The following THADA variants were observed in gnomAD, a reference collection of about 807,000 sequenced individuals.
THADA encodes tRNA (32-2'-O)-methyltransferase regulator THADA.
THADA carries 213 observed loss-of-function variants against 219.8 expected under a neutral mutation model. That is an observed-to-expected ratio of 0.97 (90% CI 0.87 to 1.09). THADA has a LOEUF of 1.09. THADA is among the 50% of genes least tolerant of loss of function. THADA has a pLI of 0.00. For synonymous variants in THADA, 1,018 were observed against 828.9 expected, an observed-to-expected ratio of 1.23 and a Z score of -3.92; for missense variants, 2,956 against 2,311.3, an observed-to-expected ratio of 1.28 and a Z score of -5.72.
intron 21 of THADA, among the ~76,000 whole-genome samples, chr2:43,535,695 A>G (rs1281841499): frequency 6.6e-6 from 1 of 151,574 alleles, no homozygotes. Context: ...AAAAAAAAAA[A>G]AAAAAGAAAA....
At chr2:43,540,084 C>T (rs1188015335) in intron 21 of THADA, among the ~76,000 whole-genome samples, 4 of 152,198 alleles carry the variant, frequency 2.6e-5, no homozygotes, top group East Asian at 1.9e-4. Flanking sequence ...ATGTTTACTT[C>T]TTAGCAAGAT....
chr2:43,440,917 A>C (rs971400546), intron 26 of THADA, among the ~76,000 whole-genome samples: 4 of 152,230 alleles, frequency 2.6e-5, no homozygotes, highest in African/African-American at 9.6e-5. Flanking sequence ...TAATTGTCCC[A>C]AACAGCAAGC....
At position 43,586,976 on chromosome 2, in the gene THADA, A is replaced by G. The variant is rs758132464; in HGVS notation, c.329T>C (p.Phe110Ser). The G allele has an allele frequency of 1.9e-6, 3 of 1,613,602 alleles. No homozygotes were observed. Among genetic ancestry groups the G allele is most frequent in the Non-Finnish European group, 2.5e-6 (3 of 1,179,752 alleles). ...AAAACGGTGCATAGCCTCAGGTAGA[A>G]AAAAATCAGGCAGGCTATTTAGTGA... The part of the protein sequence containing the change: ...ASSLNSLPDF[F>S]LPEAMHRFTS... The change falls in exon 5 of 38, where the codon TTT becomes TCT. Residue 110 changes from phenylalanine to serine, a missense_variant. By Grantham distance (155) the Phe-to-Ser change is radical. Transcript: ENST00000405975.
At chr2:43,591,196 T>C (rs558963754) in intron 3 of THADA, among the ~76,000 whole-genome samples, 3 of 152,036 alleles carry the variant, frequency 2.0e-5, no homozygotes, top group African/African-American at 7.2e-5. Flanking sequence ...TGGTGGCACA[T>C]GCCTGTAGTC....
intron 23 of THADA, among the ~76,000 whole-genome samples, chr2:43,506,839 C>A (rs1330673475): frequency 6.6e-6 from 1 of 152,100 alleles, no homozygotes; most frequent in Non-Finnish European, 1.5e-5. Flanking sequence ...GTGAAAGTTA[C>A]AAGTTAGTTA....
At chr2:43,421,757 T>C (rs1305415021) in intron 28 of THADA, among the ~76,000 whole-genome samples, 2 of 152,222 alleles carry the variant, frequency 1.3e-5, no homozygotes, top group Non-Finnish European at 2.9e-5. Context: ...GCCAAAAATA[T>C]GTTTTCAGAA....
intron 8 of THADA, among the ~76,000 whole-genome samples, chr2:43,578,853 G>GA (rs975988149): frequency 6.6e-6 from 1 of 152,184 alleles, no homozygotes. Context: ...ACGCTTTTTA[G>GA]AAGGAGTCTC....
At chr2:43,528,060 T>G (rs1234169404) in intron 21 of THADA, 72 bp from the exon 22 acceptor site, 3 of 1,088,078 alleles carry the variant, frequency 2.8e-6, no homozygotes, top group Non-Finnish European at 4.2e-6. Flanking sequence ...TCAGTAACAC[T>G]GTTTAGAACC....
intron 27 of THADA, among the ~76,000 whole-genome samples, chr2:43,429,720 G>A (rs1369408001): frequency 1.3e-5 from 2 of 151,226 alleles, no homozygotes; most frequent in Admixed American, 6.6e-5. Context: ...CACCGAAAAT[G>A]GAATTAAGTT....
intron 34 of THADA, among the ~76,000 whole-genome samples, chr2:43,288,048 C>T (rs1446138038): frequency 1.3e-5 from 2 of 152,220 alleles, no homozygotes; most frequent in African/African-American, 4.8e-5. Context: ...TGACTCAACA[C>T]TGTCAAGATA....
At chr2:43,386,264 C>T (rs1672669506) in intron 29 of THADA, among the ~76,000 whole-genome samples, 1 of 151,876 alleles carries the variant, frequency 6.6e-6, no homozygotes, top group Non-Finnish European at 1.5e-5. Flanking sequence ...GTAGAAAAGG[C>T]ACAAAATATG....
At chr2:43,535,235 A>G (rs1473251708) in intron 21 of THADA, among the ~76,000 whole-genome samples, 1 of 137,752 alleles carries the variant, frequency 7.3e-6, no homozygotes, top group African/African-American at 2.8e-5. Flanking sequence ...TTGGACATTA[A>G]TCCTGTCAGA....
intron 26 of THADA, among the ~76,000 whole-genome samples, chr2:43,434,903 AAC>A (rs1679868994): frequency 6.6e-6 from 1 of 152,204 alleles, no homozygotes; most frequent in South Asian, 2.1e-4. Flanking sequence ...AGCACTCTGT[AAC>A]ACACACCCAC....
rs1213942837 is a variant in THADA, at chr2:43,574,598, T to C, written c.1467A>G (p.Ser489=). Residue 489 remains serine (S), a synonymous_variant, in exon 11 of 38, where the codon TCA becomes TCG. Transcript: ENST00000405975. The stretch of plus-strand genomic sequence containing the variant: ...AGAGGTCACTTGCATAAGGTACCAA[T>C]GACTGGTCTCCCATCACCTCTAAGA... ...SQILEVMGDQ[S]LVPYASDLLE... is the part of the protein sequence containing the mutation. 3 of 1,613,902 alleles carry C rather than the reference T, an allele frequency of 1.9e-6. No homozygotes were observed. The highest frequency in any genetic ancestry group is 2.5e-6 in the Non-Finnish European group (3 of 1,179,910).
chr2:43,402,933 G>A (rs1573480481), intron 28 of THADA, among the ~76,000 whole-genome samples: 2 of 152,222 alleles, frequency 1.3e-5, no homozygotes. Flanking sequence ...GCCTTTCCCT[G>A]TGTGAACCCA....
chr2:43,586,312 C>A, intron 7 of THADA, 89 bp downstream of exon 7: 1 of 1,081,876 alleles, frequency 9.2e-7, no homozygotes, highest in Non-Finnish European at 1.3e-6. Flanking sequence ...ATGAAAAGAT[C>A]ACATTCTGAG....
intron 7 of THADA, among the ~76,000 whole-genome samples, chr2:43,584,939 T>A (rs990108056): frequency 3.9e-5 from 6 of 152,012 alleles, no homozygotes; most frequent in Non-Finnish European, 8.8e-5. Context: ...AAAAGGAGAA[T>A]TAGGTAAATA....
intron 26 of THADA, 73 bp downstream of exon 26, chr2:43,485,161 T>A: frequency 1.7e-6 from 2 of 1,168,780 alleles, no homozygotes; most frequent in Non-Finnish European, 2.5e-6. Flanking sequence ...AGGCACAATT[T>A]CAAAATTTGT....
At chr2:43,267,239 A>G (rs1671623220) in intron 36 of THADA, among the ~76,000 whole-genome samples, 1 of 152,222 alleles carries the variant, frequency 6.6e-6, no homozygotes, top group South Asian at 2.1e-4. Context: ...CTAACAGAAA[A>G]AATGATTTGG....
Sources: allele counts gnomAD v4.1 joint callset (sites outside exome capture counted in the v4.1 genomes callset), GRCh38; gene constraint gnomAD v4.1.1; transcripts MANE v1.5; gene names NCBI Gene and HGNC (gene_info 2026-07-23, HGNC 2026-07-21).